Variants in DDX4 observed in about 807,000 individuals in gnomAD.
DDX4 encodes DEAD-box helicase 4.
In DDX4, 25 loss-of-function variants were observed where a neutral mutation model predicts 100.0. The observed-to-expected ratio is 0.25, with a 90% CI of 0.18 to 0.35. The LOEUF (loss-of-function observed/expected upper bound fraction) is 0.35, where lower values mean the gene tolerates loss of function less well. Ranked by LOEUF, DDX4 falls within the 10% of genes least tolerant of loss-of-function variation. The pLI, the probability that DDX4 is intolerant of heterozygous loss-of-function variation, is 1.00. For synonymous variants in DDX4, 259 were observed against 275.7 expected, an observed-to-expected ratio of 0.94 and a Z score of 0.60; for missense variants, 635 against 882.4, an observed-to-expected ratio of 0.72 and a Z score of 3.55.
At chr5:55,745,774 T>C (rs1231551773) in intron 2 of DDX4, among the ~76,000 whole-genome samples, 2 of 152,186 alleles carry the variant, frequency 1.3e-5, no homozygotes, top group Non-Finnish European at 2.9e-5. Flanking sequence ...ACTTTTACTT[T>C]AAGTCAGGTG....
intron 19 of DDX4, 96 bp downstream of exon 19, chr5:55,813,868 A>G (rs1744246319): frequency 1.5e-6 from 2 of 1,328,904 alleles, no homozygotes; most frequent in Admixed American, 6.1e-5. Context: ...TAATCCTAGG[A>G]TTGGGATTCA....
chr5:55,768,838 G>A (rs1041107707), intron 7 of DDX4, among the ~76,000 whole-genome samples: 1 of 152,084 alleles, frequency 6.6e-6, no homozygotes, highest in South Asian at 2.1e-4. Context: ...GTGTGAGATG[G>A]TATCTCATTG....
At chr5:55,794,852 A>G (rs1742821166) in intron 17 of DDX4, among the ~76,000 whole-genome samples, 1 of 151,800 alleles carries the variant, frequency 6.6e-6, no homozygotes. Context: ...CCTTTTCTCA[A>G]TGTGCATATT....
At chr5:55,739,162 T>C in intron 2 of DDX4, 130 bp downstream of exon 2, 2 of 640,950 alleles carry the variant, frequency 3.1e-6, no homozygotes, top group South Asian at 2.0e-5. Context: ...TTAACTATTA[T>C]ATGGGGAATA....
chr5:55,802,097 C>G (rs1743352705), intron 18 of DDX4, among the ~76,000 whole-genome samples: 1 of 152,160 alleles, frequency 6.6e-6, no homozygotes, highest in African/African-American at 2.4e-5. Context: ...GTCCTACCTA[C>G]CATTCCATTT....
chr5:55,805,604 C>G (rs1303113142), intron 18 of DDX4, among the ~76,000 whole-genome samples: 2 of 152,258 alleles, frequency 1.3e-5, no homozygotes, highest in African/African-American at 2.4e-5. Flanking sequence ...GTCTTTGGCT[C>G]TGTTTCTATG....
intron 15 of DDX4, among the ~76,000 whole-genome samples, chr5:55,790,318 G>A (rs547521232): frequency 6.6e-6 from 1 of 151,612 alleles, no homozygotes; most frequent in Non-Finnish European, 1.5e-5. Context: ...CCAATTTTTT[G>A]CATTTTTAGT....
At position 55,765,413 on chromosome 5, in the gene DDX4, A is replaced by ATATAT. The variant is rs1554076987; in HGVS notation, c.334+1349_334+1350insTATAT. ...GTTCCCCTAAAAAAAAAAAAAAAAA[A>ATATAT]ATATATATATATATATATATATATG... On this transcript the variant is annotated intron_variant, in intron 6 of 21. Transcript: ENST00000505374. 2.4e-3 allele frequency among the ~76,000 whole-genome samples: 197 copies of ATATAT among 82,960 alleles called. 1 individual carries two copies. Among genetic ancestry groups the ATATAT allele is most frequent in the African/African-American group, 4.6e-3 (79 of 17,188 alleles). The allele number at this position is 82,960 out of a possible 152,430, so 54.4% of individuals were successfully genotyped here.
At chr5:55,798,353 C>T in intron 17 of DDX4, 73 bp from the exon 18 acceptor site, 2 of 1,493,776 alleles carry the variant, frequency 1.3e-6, no homozygotes, top group East Asian at 2.3e-5. Context: ...ATAACACCTA[C>T]AGGAATTCAG....
chr5:55,760,050 A>ATT lies in DDX4; in HGVS notation c.128-136_128-135dup, dbSNP rs74270749. 2.2e-3 allele frequency: 1,036 copies of ATT among 479,574 alleles called. 1 individual carries two copies. The highest frequency in any genetic ancestry group is 7.6e-3 in the African/African-American group (345 of 45,374). 29.7% of individuals were successfully genotyped at this position (479,574 alleles called of 1,614,324 possible). A position where few individuals can be genotyped will look rare whatever the true frequency, so the allele number is the denominator to read the frequency against. On this transcript the variant is annotated intron_variant, in intron 3 of 21. Coordinates refer to ENST00000505374, the MANE Select transcript of DDX4 (RefSeq NM_024415.3). ...AGGAGAACTGTCTATTCATGTAGCC[A>ATT]TTTTTTTTTTTTTTTACTGGGCTGT... is the stretch of plus-strand genomic sequence containing the variant.
intron 2 of DDX4, among the ~76,000 whole-genome samples, chr5:55,743,475 G>C (rs1412079337): frequency 1.3e-5 from 2 of 152,048 alleles, no homozygotes; most frequent in Non-Finnish European, 2.9e-5. Context: ...TGTCACCTAG[G>C]CTGGAGTGCA....
chr5:55,769,371 G>A (rs1741123439), intron 7 of DDX4, among the ~76,000 whole-genome samples: 1 of 152,090 alleles, frequency 6.6e-6, no homozygotes, highest in African/African-American at 2.4e-5. Context: ...ATTGAATAAG[G>A]AATCCTTTCC....
intron 10 of DDX4, 194 bp downstream of exon 10, chr5:55,782,175 T>G (rs1741953788): frequency 1.7e-6 from 1 of 581,824 alleles, no homozygotes; most frequent in African/African-American, 1.9e-5. Flanking sequence ...CTCCAGGTTA[T>G]TGCCTCTCTG....
chr5:55,816,123 A>G (rs1043028721), intron 21 of DDX4, among the ~76,000 whole-genome samples: 7 of 152,068 alleles, frequency 4.6e-5, no homozygotes, highest in African/African-American at 9.7e-5. Context: ...TCAGGTTTTT[A>G]TAGGCTGAAC....
chr5:55,782,250 G>A, intron 10 of DDX4: 1 of 344,408 alleles, frequency 2.9e-6, no homozygotes, highest in South Asian at 7.1e-5. Flanking sequence ...GTACAAGGAT[G>A]TTCACTGAGA....
At chr5:55,787,779 G>T in intron 14 of DDX4, 67 bp from the exon 15 acceptor site, 1 of 1,540,060 alleles carries the variant, frequency 6.5e-7, no homozygotes, top group Non-Finnish European at 8.8e-7. Context: ...AGGACATGAG[G>T]ATTAGCTTTC....
chr5:55,754,833 T>C (rs1397250205), intron 3 of DDX4, among the ~76,000 whole-genome samples: 1 of 152,124 alleles, frequency 6.6e-6, no homozygotes, highest in African/African-American at 2.4e-5. Context: ...AGCTATTGAT[T>C]ATTGCCACAA....
At chr5:55,810,843 T>C (rs149627899) in intron 18 of DDX4, among the ~76,000 whole-genome samples, 281 of 152,300 alleles carry the variant, frequency 1.8e-3, no homozygotes, top group African/African-American at 4.8e-3. Flanking sequence ...GTTGAATATT[T>C]GATTAGTGTA....
chr5:55,807,707 G>A lies in DDX4; in HGVS notation c.1616-5966G>A, dbSNP rs180691649. ...CGAGAGATCAGCTGTTAGTCTGATG[G>A]GCTTCCCTTTGTGGGTAACCCGACC... is the stretch of plus-strand genomic sequence containing the variant. On this transcript the variant is annotated intron_variant, in intron 18 of 21. Coordinates refer to ENST00000505374, the MANE Select transcript of DDX4 (RefSeq NM_024415.3). 3.5e-3 allele frequency among the ~76,000 whole-genome samples: 528 copies of A among 152,230 alleles called. 7 individuals are homozygous for A. The highest frequency in any genetic ancestry group is 0.012 in the African/African-American group (512 of 41,518).
Sources: allele counts gnomAD v4.1 joint callset (sites outside exome capture counted in the v4.1 genomes callset), GRCh38; gene constraint gnomAD v4.1.1; transcripts MANE v1.5; gene names NCBI Gene and HGNC (gene_info 2026-07-23, HGNC 2026-07-21).